The following GTF3C1 variants were observed in gnomAD, a reference collection of about 807,000 sequenced individuals.
The protein encoded by GTF3C1 is general transcription factor IIIC subunit 1.
GTF3C1 carries 57 observed loss-of-function variants against 226.7 expected under a neutral mutation model. The ratio of observed to expected loss-of-function variants is 0.25; its 90% CI spans 0.20 to 0.31. The LOEUF (loss-of-function observed/expected upper bound fraction) is 0.31, where lower values mean the gene tolerates loss of function less well. Ranked by LOEUF, GTF3C1 falls within the 10% of genes least tolerant of loss-of-function variation. GTF3C1 has a pLI of 1.00. For missense variants in GTF3C1, 2,217 were observed against 2,776.1 expected (o/e 0.80, Z 4.53); for synonymous variants, 1,090 against 1,084.8 (o/e 1.00, Z -0.09).
chr16:27,486,030 C>T lies in GTF3C1; in HGVS notation c.3825G>A (p.Leu1275=), dbSNP rs1315531973. The T allele has an allele frequency of 1.2e-6, 2 of 1,612,130 alleles. No homozygotes were observed. The highest frequency in any genetic ancestry group is 1.7e-6 in the Non-Finnish European group (2 of 1,178,824). Residue 1275 remains leucine, a synonymous_variant, in exon 24 of 37, where the codon CTG becomes CTA. Transcript: ENST00000356183. The part of the protein sequence containing the change: ...WSMQEDGLLV[L]CRIASNVLNT... Reference sequence around the variant, plus strand: ...TGAGGACATTGCTGGCAATGCGGCACAGCACAAGCAGCCCATCCTCCTGCA... The same window carrying T: ...TGAGGACATTGCTGGCAATGCGGCATAGCACAAGCAGCCCATCCTCCTGCA...
At chr16:27,500,155 T>G (rs1481843719) in intron 12 of GTF3C1, among the ~76,000 whole-genome samples, 1 of 152,188 alleles carries the variant, frequency 6.6e-6, no homozygotes, top group East Asian at 1.9e-4. Context: ...CTTCAGTGAC[T>G]GCACTCTTTG....
intron 5 of GTF3C1, 138 bp from the exon 6 acceptor site, chr16:27,528,859 G>A: frequency 2.3e-6 from 2 of 857,352 alleles, no homozygotes; most frequent in South Asian, 1.4e-5. Context: ...AGCCTGCCAA[G>A]CTACCTTGTC....
intron 26 of GTF3C1, among the ~76,000 whole-genome samples, chr16:27,481,708 G>T (rs533827027): frequency 6.6e-6 from 1 of 152,174 alleles, no homozygotes; most frequent in Non-Finnish European, 1.5e-5. Flanking sequence ...TGTGCAATGC[G>T]ACATGGTATG....
rs1423225964 is a variant in GTF3C1, at chr16:27,462,851, C to A, written c.5925-365G>T. The A allele has an allele frequency of 3.8e-6, 1 of 261,372 alleles. No homozygotes were observed. Among genetic ancestry groups the A allele is most frequent in the Non-Finnish European group, 7.4e-6 (1 of 134,580 alleles). 16.2% of individuals were successfully genotyped at this position (261,372 alleles called of 1,614,324 possible). On this transcript the variant is annotated intron_variant, in intron 35 of 36. Transcript: ENST00000356183. This position sits in a 1 kb window ranked among gnomAD's most constrained non-coding sequence, Gnocchi z 4.5. Reference sequence around the variant, plus strand: ...TGTGGCAAAACTCACGGGAGCGTGACCCTGAAGCTCTGCTCCACGCCATGT... The same window carrying A: ...TGTGGCAAAACTCACGGGAGCGTGAACCTGAAGCTCTGCTCCACGCCATGT...
chr16:27,494,804 GA>G lies in GTF3C1; in HGVS notation c.2736del (p.Leu914SerfsTer21). The part of the protein sequence containing the change: ...WALVSDILLC[L>X]PLSIFIQIVQ... The stretch of plus-strand genomic sequence containing the variant: ...ACAATCTGGATGAAGATGGAGAGGG[GA>G]AGGCAGAGGAGGATGTCGCTGACGA... On this transcript the variant is annotated frameshift_variant, in exon 16 of 37. Transcript: ENST00000356183. LOFTEE classifies it high-confidence loss of function. The G allele has an allele frequency of 6.2e-7, 1 of 1,612,422 alleles. No individual in the cohort carries two copies. Among genetic ancestry groups the G allele is most frequent in the Non-Finnish European group, 8.5e-7 (1 of 1,178,428 alleles).
At chr16:27,478,170 CAAAAGAAAAAAAAAAG>C in intron 28 of GTF3C1, among the ~76,000 whole-genome samples, 2 of 148,960 alleles carry the variant, frequency 1.3e-5, no homozygotes, top group Middle Eastern at 3.4e-3. Flanking sequence ...GACTCCATCT[CAAAAGAAAAAAAAAAG>C]GAAAGAAAAA....
chr16:27,492,194 C>T lies in GTF3C1; in HGVS notation c.3151+144G>A, dbSNP rs191311390. On this transcript the variant is annotated intron_variant, in intron 19 of 36. Transcript: ENST00000356183. This position sits in a 1 kb window ranked among gnomAD's most constrained non-coding sequence, Gnocchi z 5.0. ...CCGCCACTTTCCTTTCCAAGGGAGC[C>T]CCAGGGGTGCTCTGGGCCTCTGGGG... 6.7e-6 allele frequency: 4 copies of T among 596,110 alleles called. No homozygotes were observed. The highest frequency in any genetic ancestry group is 6.3e-5 in the Admixed American group (2 of 31,736). The allele number at this position is 596,110 out of a possible 1,614,324, so 36.9% of individuals were successfully genotyped here. A position where few individuals can be genotyped will look rare whatever the true frequency, so the allele number is the denominator to read the frequency against.
chr16:27,500,927 T>G (rs759490182), intron 12 of GTF3C1, among the ~76,000 whole-genome samples: 8 of 152,264 alleles, frequency 5.3e-5, no homozygotes, highest in Non-Finnish European at 1.0e-4. Context: ...TGTCTCTGCC[T>G]GCCTTCTGCT....
intron 29 of GTF3C1, among the ~76,000 whole-genome samples, chr16:27,476,110 T>C (rs1034576028): frequency 1.3e-5 from 2 of 152,172 alleles, no homozygotes; most frequent in African/African-American, 4.8e-5. Flanking sequence ...TGCTGTACAC[T>C]TGAAATGCAC....
At chr16:27,493,519 C>T (rs2088264418) in intron 16 of GTF3C1, among the ~76,000 whole-genome samples, 1 of 152,232 alleles carries the variant, frequency 6.6e-6, no homozygotes, top group Non-Finnish European at 1.5e-5. Flanking sequence ...AACAGGTGCC[C>T]TCATACCCTG....
intron 9 of GTF3C1, 40 bp from the exon 10 acceptor site, chr16:27,506,156 G>A: frequency 1.7e-6 from 2 of 1,154,302 alleles, no homozygotes; most frequent in Non-Finnish European, 1.3e-6. Context: ...CAAGGGGGAG[G>A]CCAGGAGGGC....
chr16:27,471,997 G>C lies in GTF3C1; in HGVS notation c.4354-77C>G, dbSNP rs1026763624. ...AGGGCTGGGGTATGTGGAGGCAGAGGCTGCGGCTGATGCTTTATAGAGGAA... is the reference window on the plus strand; with the variant it reads ...AGGGCTGGGGTATGTGGAGGCAGAGCCTGCGGCTGATGCTTTATAGAGGAA... On this transcript the variant is annotated intron_variant, in intron 29 of 36. Coordinates refer to ENST00000356183, the MANE Select transcript of GTF3C1 (RefSeq NM_001520.4). This position sits in a 1 kb window ranked among gnomAD's most constrained non-coding sequence, Gnocchi z 5.0. 5.3e-6 allele frequency: 7 copies of C among 1,312,588 alleles called. No individual in the cohort carries two copies. Among genetic ancestry groups the C allele is most frequent in the Non-Finnish European group, 7.6e-6 (7 of 919,694 alleles). 81.3% of individuals were successfully genotyped at this position (1,312,588 alleles called of 1,614,324 possible).
At chr16:27,541,653 C>T (rs544160118) in intron 2 of GTF3C1, among the ~76,000 whole-genome samples, 5 of 152,198 alleles carry the variant, frequency 3.3e-5, no homozygotes, top group Non-Finnish European at 5.9e-5. Context: ...AATGATGTGG[C>T]GACGTGAAGA....
chr16:27,544,626 A>C lies in GTF3C1; in HGVS notation c.431+688T>G, dbSNP rs1596666583. The stretch of plus-strand genomic sequence containing the variant: ...TTAGCAGAGTTCACATTGCCCTGTA[A>C]AGTAGGAAGGAAGGCAGGAATGGAG... On this transcript the variant is annotated intron_variant, in intron 2 of 36. Coordinates refer to ENST00000356183, the MANE Select transcript of GTF3C1 (RefSeq NM_001520.4). 2.0e-5 allele frequency among the ~76,000 whole-genome samples: 3 copies of C among 152,188 alleles called. No homozygotes were observed. The South Asian group carries it at 6.2e-4, about 32-fold the overall frequency.
chr16:27,493,137 A>G, intron 17 of GTF3C1, 62 bp downstream of exon 17: 1 of 859,950 alleles, frequency 1.2e-6, no homozygotes, highest in Non-Finnish European at 2.0e-6. Flanking sequence ...GATGGCTTAG[A>G]GCCCTGACTT....
At chr16:27,534,701 G>T (rs1054998926) in intron 4 of GTF3C1, among the ~76,000 whole-genome samples, 9 of 152,226 alleles carry the variant, frequency 5.9e-5, no homozygotes, top group African/African-American at 2.2e-4. Context: ...ATACACAAGT[G>T]AAGAGTTTGG....
chr16:27,533,151 C>G, intron 5 of GTF3C1, 140 bp downstream of exon 5: 1 of 532,558 alleles, frequency 1.9e-6, no homozygotes. Context: ...AAGAAAAAAA[C>G]AGCAAACAAA....
chr16:27,494,987 G>T (rs957684612), intron 15 of GTF3C1, 79 bp from the exon 16 acceptor site: 10 of 1,293,354 alleles, frequency 7.7e-6, no homozygotes, highest in Non-Finnish European at 1.1e-5. Flanking sequence ...TCATCTCCCA[G>T]GAGGTCTTGG....
intron 26 of GTF3C1, among the ~76,000 whole-genome samples, chr16:27,482,305 C>A (rs1179891100): frequency 6.6e-6 from 1 of 152,122 alleles, no homozygotes; most frequent in Non-Finnish European, 1.5e-5. Context: ...CTCCCCTGCA[C>A]CAGACCAGGA....
Sources: allele counts gnomAD v4.1 joint callset (sites outside exome capture counted in the v4.1 genomes callset), GRCh38; gene constraint gnomAD v4.1.1; non-coding constraint Gnocchi (gnomAD v3.1); transcripts MANE v1.5; gene names NCBI Gene and HGNC (gene_info 2026-07-23, HGNC 2026-07-21).